HTR4: variants seen among roughly 807,000 people sequenced by gnomAD.
The protein encoded by HTR4 is 5-hydroxytryptamine receptor 4, also known as 5-hydroxytryptamine (serotonin) receptor 4, G protein-coupled.
A neutral mutation model predicts 36.8 loss-of-function variants in HTR4; 16 were observed. The ratio of observed to expected loss-of-function variants is 0.43; its 90% CI spans 0.29 to 0.66. HTR4 has a LOEUF of 0.66. Among genes scored for constraint, HTR4 ranks in the 30% least tolerant of loss-of-function variants. HTR4 has a pLI of 0.13. For missense variants in HTR4, 438 were observed against 490.9 expected, an observed-to-expected ratio of 0.89 and a Z score of 1.02; for synonymous variants, 189 against 185.1, an observed-to-expected ratio of 1.02 and a Z score of -0.17.
chr5:148,620,936 A>G (rs544802626), intron 2 of HTR4, among the ~76,000 whole-genome samples: 1 of 152,374 alleles, frequency 6.6e-6, no homozygotes, highest in South Asian at 2.1e-4. Flanking sequence ...CACCCACGTG[A>G]GAATATACAC....
At chr5:148,633,382 C>CT (rs56317650) in intron 2 of HTR4, among the ~76,000 whole-genome samples, 53,921 of 149,978 alleles carry the variant, frequency 0.36, 9,724 homozygotes, top group East Asian at 0.51. Flanking sequence ...TATTAGAATT[C>CT]TTTTTTTTTT....
chr5:148,584,368 C>G (rs1581509038), intron 2 of HTR4, among the ~76,000 whole-genome samples: 1 of 152,144 alleles, frequency 6.6e-6, no homozygotes, highest in African/African-American at 2.4e-5. Flanking sequence ...GTGCCACACA[C>G]CTTCCAATTA....
In HTR4 at chr5:148,654,091, C is replaced by T. The variant is rs1472220273; in HGVS notation, c.-77G>A. 1 of 985,288 alleles carries T rather than the reference C, an allele frequency of 1.0e-6. No homozygotes were observed. The highest frequency in any genetic ancestry group is 1.7e-5 in the African/African-American group (1 of 57,224). The allele number at this position is 985,288 out of a possible 1,614,324, so 61.0% of individuals were successfully genotyped here. On this transcript the variant is annotated 5_prime_UTR_variant, in exon 1 of 7. Transcript: ENST00000377888. Reference sequence around the variant, plus strand: ...TGCCAGAGGCGAGGGAGCGAGGTGCCCTGGCAGATTCGAGCGGCCACCCCC... The same window carrying T: ...TGCCAGAGGCGAGGGAGCGAGGTGCTCTGGCAGATTCGAGCGGCCACCCCC...
At chr5:148,496,448 A>G (rs555753533) in intron 6 of HTR4, among the ~76,000 whole-genome samples, 2 of 152,304 alleles carry the variant, frequency 1.3e-5, no homozygotes, top group African/African-American at 4.8e-5. Context: ...CAACAATAAT[A>G]TATACACAGA....
intron 2 of HTR4, among the ~76,000 whole-genome samples, chr5:148,588,762 G>GCA: frequency 1.3e-5 from 2 of 151,100 alleles, no homozygotes; most frequent in East Asian, 3.9e-4. Context: ...GGATGGTCTT[G>GCA]ATCTCCTGAC....
chr5:148,518,401 A>G (rs961024287), intron 5 of HTR4, among the ~76,000 whole-genome samples: 8 of 152,188 alleles, frequency 5.3e-5, no homozygotes, highest in African/African-American at 1.9e-4. Context: ...AATTAATTAT[A>G]GAGCAAAAGA....
intron 5 of HTR4, among the ~76,000 whole-genome samples, chr5:148,516,531 GCTGGTCTTGAACTC>G (rs1225737580): frequency 3.4e-4 from 51 of 151,736 alleles, no homozygotes; most frequent in Admixed American, 3.2e-3. Context: ...TATTGGCCAG[GCTGGTCTTGAACTC>G]CTGACCTCAT....
At chr5:148,485,005 G>T (rs1257353192) in intron 6 of HTR4, among the ~76,000 whole-genome samples, 1 of 151,550 alleles carries the variant, frequency 6.6e-6, no homozygotes, top group Non-Finnish European at 1.5e-5. Context: ...AAGGAGAGAA[G>T]GAAGAAAGGG....
intron 2 of HTR4, among the ~76,000 whole-genome samples, chr5:148,586,198 C>T (rs189269418): frequency 9.2e-5 from 14 of 152,240 alleles, no homozygotes; most frequent in Non-Finnish European, 1.3e-4. Context: ...AGAACAATGC[C>T]TGCAACCAGA....
intron 2 of HTR4, among the ~76,000 whole-genome samples, chr5:148,616,721 C>A (rs1752704861): frequency 6.6e-6 from 1 of 152,096 alleles, no homozygotes; most frequent in African/African-American, 2.4e-5. Context: ...ATGTAAATAC[C>A]TTGGTGCATA....
chr5:148,553,270 C>G (rs561408320), intron 2 of HTR4, among the ~76,000 whole-genome samples: 4 of 152,186 alleles, frequency 2.6e-5, no homozygotes, highest in Admixed American at 6.5e-5. Context: ...GGATTGCAGA[C>G]TGGCTATTTA....
At chr5:148,508,268 G>A (rs189465318) in intron 6 of HTR4, among the ~76,000 whole-genome samples, 10 of 152,140 alleles carry the variant, frequency 6.6e-5, no homozygotes, top group East Asian at 3.9e-4. Context: ...AAATTCCTGC[G>A]CATCTCAGGG....
chr5:148,609,141 G>C (rs1224405419), intron 2 of HTR4, among the ~76,000 whole-genome samples: 1 of 152,134 alleles, frequency 6.6e-6, no homozygotes, highest in Non-Finnish European at 1.5e-5. Context: ...CCTAAAAATT[G>C]GTAAGATATT....
intron 2 of HTR4, among the ~76,000 whole-genome samples, chr5:148,592,371 AC>A (rs1381105715): frequency 6.6e-6 from 1 of 152,056 alleles, no homozygotes; most frequent in African/African-American, 2.4e-5. Context: ...CTTCACATGT[AC>A]CCCTGAACCT....
At chr5:148,566,907 T>C (rs1461758057) in intron 2 of HTR4, among the ~76,000 whole-genome samples, 1 of 152,032 alleles carries the variant, frequency 6.6e-6, no homozygotes, top group Non-Finnish European at 1.5e-5. Context: ...TTTTTTTTAC[T>C]TTTTCCCAGT....
intron 4 of HTR4, among the ~76,000 whole-genome samples, chr5:148,539,112 A>C (rs1239342634): frequency 6.6e-6 from 1 of 152,186 alleles, no homozygotes; most frequent in African/African-American, 2.4e-5. Flanking sequence ...GCTGACAAAA[A>C]CAGGCAATTG....
intron 4 of HTR4, among the ~76,000 whole-genome samples, chr5:148,538,878 T>A (rs1758964715): frequency 6.6e-6 from 1 of 152,104 alleles, no homozygotes; most frequent in East Asian, 1.9e-4. Flanking sequence ...AAAAACTATT[T>A]TAAAATTAAT....
intron 6 of HTR4, 82 bp from the exon 7 acceptor site, chr5:148,483,375 C>T: frequency 8.1e-7 from 1 of 1,240,030 alleles, no homozygotes; most frequent in East Asian, 2.5e-5. Flanking sequence ...ACCTGCATGG[C>T]AGGAACACTC....
At chr5:148,511,743 G>T (rs1757509993) in intron 5 of HTR4, among the ~76,000 whole-genome samples, 1 of 151,814 alleles carries the variant, frequency 6.6e-6, no homozygotes, top group Non-Finnish European at 1.5e-5. Context: ...TTCCCAAAGG[G>T]ACTGTATCAA....
Sources: gnomAD v4.1 joint callset for allele counts (sites outside exome capture counted in the v4.1 genomes callset) on GRCh38, gnomAD v4.1.1 for gene constraint, MANE v1.5 for transcripts, NCBI Gene and HGNC (gene_info 2026-07-23, HGNC 2026-07-21) for gene names.